Variants in RUNX1T1 observed in about 807,000 individuals in gnomAD.
The protein encoded by RUNX1T1 is protein CBFA2T1.
RUNX1T1 carries 4 observed loss-of-function variants against 62.8 expected under a neutral mutation model. The ratio of observed to expected loss-of-function variants is 0.06; its 90% confidence interval spans 0.03 to 0.15. RUNX1T1 has a LOEUF of 0.15. Among genes scored for constraint, RUNX1T1 ranks in the 10% least tolerant of loss-of-function variants. RUNX1T1 has a pLI of 1.00. For missense variants in RUNX1T1, 508 were observed against 754.3 expected (o/e 0.67, Z 3.82); for synonymous variants, 291 against 286.0 (o/e 1.02, Z -0.18).
At chr8:92,044,810 G>A (rs1829100750) in intron 1 of RUNX1T1, among the ~76,000 whole-genome samples, 2 of 152,250 alleles carry the variant, frequency 1.3e-5, no homozygotes, top group Admixed American at 6.5e-5. Context: ...ACCTAGTTTT[G>A]TTTGACTGCA....
intron 1 of RUNX1T1, among the ~76,000 whole-genome samples, chr8:92,099,386 G>A (rs1027060412): frequency 2.6e-5 from 4 of 152,160 alleles, no homozygotes; most frequent in Non-Finnish European, 5.9e-5. Flanking sequence ...CACTCTGCAA[G>A]CACATGGTTA....
intron 1 of RUNX1T1, among the ~76,000 whole-genome samples, chr8:92,029,451 AAC>A (rs1353107483): frequency 2.0e-5 from 3 of 152,334 alleles, no homozygotes; most frequent in Middle Eastern, 3.4e-3. Context: ...TGCTCAAGTT[AAC>A]ACAGCTCAGT....
At chr8:92,098,891 A>G (rs547709485) in intron 1 of RUNX1T1, among the ~76,000 whole-genome samples, 2 of 152,270 alleles carry the variant, frequency 1.3e-5, no homozygotes, top group South Asian at 4.1e-4. Flanking sequence ...ATCACTTACA[A>G]TTACCTCCAT....
At chr8:92,074,032 A>T (rs1369260720) in intron 2 of RUNX1T1, among the ~76,000 whole-genome samples, 2 of 152,208 alleles carry the variant, frequency 1.3e-5, no homozygotes, top group Admixed American at 6.5e-5. Context: ...TGGAAAACAA[A>T]GAAAACCCAA....
At chr8:92,009,462 C>T (rs374200286) in intron 4 of RUNX1T1, among the ~76,000 whole-genome samples, 2 of 152,094 alleles carry the variant, frequency 1.3e-5, no homozygotes, top group Non-Finnish European at 2.9e-5. Flanking sequence ...TTCCAATGAT[C>T]CCAACTAAAT....
chr8:91,997,912 AT>A (rs1819016773), intron 5 of RUNX1T1, among the ~76,000 whole-genome samples: 2 of 152,278 alleles, frequency 1.3e-5, no homozygotes, highest in Middle Eastern at 3.4e-3. Flanking sequence ...TTATTCTTAT[AT>A]TTTAGAAGTC....
chr8:92,062,428 T>G (rs1001662194), intron 1 of RUNX1T1: 1 of 1,146,266 alleles, frequency 8.7e-7, no homozygotes, highest in African/African-American at 1.5e-5. Context: ...ACCCCCAGCC[T>G]CTTCCTGCCC....
At chr8:92,010,293 C>A (rs1821676944) in intron 4 of RUNX1T1, 1 of 152,324 alleles carries the variant, frequency 6.6e-6, no homozygotes. Flanking sequence ...ATCCACTATG[C>A]CCAAGCAATA....
intron 6 of RUNX1T1, among the ~76,000 whole-genome samples, chr8:91,990,754 C>T (rs1364401059): frequency 6.6e-6 from 1 of 151,678 alleles, no homozygotes; most frequent in Non-Finnish European, 1.5e-5. Flanking sequence ...GCTTCCTGGG[C>T]TCAAGCGATC....
At chr8:92,000,710 C>T (rs1435145424) in intron 5 of RUNX1T1, among the ~76,000 whole-genome samples, 1 of 152,172 alleles carries the variant, frequency 6.6e-6, no homozygotes, top group East Asian at 1.9e-4. Flanking sequence ...GATCCTCCAA[C>T]CTTCAGCATT....
At chr8:91,993,445 C>T (rs1333663934) in intron 5 of RUNX1T1, among the ~76,000 whole-genome samples, 1 of 152,114 alleles carries the variant, frequency 6.6e-6, no homozygotes, top group African/African-American at 2.4e-5. Flanking sequence ...ATGCCCACTA[C>T]ATACTAAGAA....
At chr8:91,989,201 G>A (rs374672928) in intron 6 of RUNX1T1, among the ~76,000 whole-genome samples, 7 of 152,184 alleles carry the variant, frequency 4.6e-5, no homozygotes, top group South Asian at 2.1e-4. Context: ...AAGGATTCTC[G>A]TGAGTATATG....
intron 1 of RUNX1T1, among the ~76,000 whole-genome samples, chr8:92,060,570 TG>T (rs1831852752): frequency 1.4e-5 from 2 of 144,296 alleles, no homozygotes; most frequent in South Asian, 4.3e-4. Flanking sequence ...TGTGTGTGTG[TG>T]TGTGTGTGTG....
At chr8:92,102,582 A>C (rs1838090597), upstream of RUNX1T1, among the ~76,000 whole-genome samples, 1 of 151,962 alleles carries the variant, frequency 6.6e-6, no homozygotes, top group Admixed American at 6.5e-5. The surrounding 1 kb of genome is among the most constrained non-coding windows in gnomAD (Gnocchi z 4.5). Flanking sequence ...AGGGAAGAAA[A>C]ATTATTTTTA....
At chr8:91,997,113 C>T (rs1162733093) in intron 5 of RUNX1T1, among the ~76,000 whole-genome samples, 6 of 151,892 alleles carry the variant, frequency 4.0e-5, no homozygotes, top group African/African-American at 9.7e-5. Context: ...GGTGACAGAG[C>T]GAGACTCCAT....
intron 8 of RUNX1T1, 80 bp downstream of exon 9, chr8:91,986,044 A>AAAATCC (rs1816488738): frequency 1.0e-6 from 1 of 985,078 alleles, no homozygotes; most frequent in Admixed American, 1.8e-5. Context: ...ATATCCTTTA[A>AAAATCC]TTTTAAAAAT....
chr8:91,986,265 G>T, exon 8 of RUNX1T1: 1 of 1,613,826 alleles, frequency 6.2e-7, no homozygotes. Flanking sequence ...TCTTGACACC[G>T]CCTTAGTACG....
intron 1 of RUNX1T1, among the ~76,000 whole-genome samples, chr8:92,022,410 A>C (rs758119086): frequency 4.6e-5 from 7 of 152,160 alleles, no homozygotes; most frequent in East Asian, 1.9e-4. Context: ...CCGTGATCTG[A>C]ATGTTTCCCA....
chr8:92,009,671 C>T (rs183847613), intron 4 of RUNX1T1: 1 of 149,670 alleles, frequency 6.7e-6, no homozygotes, highest in Admixed American at 6.7e-5. Flanking sequence ...ATGATGAAAT[C>T]TTTACAGAAA....
Sources: allele counts gnomAD v4.1 joint callset (sites outside exome capture counted in the v4.1 genomes callset), GRCh38; gene constraint gnomAD v4.1.1; non-coding constraint Gnocchi (gnomAD v3.1); transcripts MANE v1.5; gene names NCBI Gene and HGNC (gene_info 2026-07-23, HGNC 2026-07-21).